ERCC1: variants seen among roughly 807,000 people sequenced by gnomAD.
ERCC1 encodes DNA excision repair protein ERCC-1.
Under a neutral mutation model 37.6 loss-of-function variants are expected in ERCC1, and 36 were observed. The ratio of observed to expected loss-of-function variants is 0.96; its 90% CI spans 0.73 to 1.26. The LOEUF (loss-of-function observed/expected upper bound fraction) is 1.26, where lower values mean the gene tolerates loss of function less well. Among genes scored for constraint, ERCC1 ranks in the 50% most tolerant of loss-of-function variants. ERCC1 has a pLI of 0.00. For missense variants in ERCC1, 349 were observed against 376.5 expected, an observed-to-expected ratio of 0.93 and a Z score of 0.60; for synonymous variants, 156 against 162.1, an observed-to-expected ratio of 0.96 and a Z score of 0.28.
chr19:45,432,804 C>T (rs73564934), intron 1 of ERCC1, among the ~76,000 whole-genome samples: 11,916 of 152,242 alleles, frequency 0.078, 1,543 homozygotes, highest in African/African-American at 0.27. Context: ...GAGTGGCTCA[C>T]GCCTGTATTC....
upstream of ERCC1, among the ~76,000 whole-genome samples, chr19:45,425,654 G>A (rs147670907): frequency 3.6e-3 from 548 of 152,272 alleles, 6 homozygotes; most frequent in African/African-American, 0.013. Context: ...ACAAGCATGA[G>A]CCACGGTGCC....
Position 45,409,247 on chromosome 19 carries a change from A to G in ERCC1, c.*428T>C. Reference sequence around the variant, plus strand: ...CACATCCACCAAGAAGAAGAAGAAGAAGAAAGAGAGAGGTCACACAGTGAC... The same window carrying G: ...CACATCCACCAAGAAGAAGAAGAAGGAGAAAGAGAGAGGTCACACAGTGAC... On this transcript the variant is annotated 3_prime_UTR_variant, in exon 10 of 10. Coordinates refer to ENST00000300853, the MANE Select transcript of ERCC1 (RefSeq NM_001983.4). 1 of 1,613,606 alleles carries G rather than the reference A, an allele frequency of 6.2e-7. No individual in the cohort carries two copies. Among genetic ancestry groups the G allele is most frequent in the Admixed American group, 1.7e-5 (1 of 59,966 alleles).
rs2123435397 is a variant in ERCC1, at chr19:45,409,434, A to T, written c.*241T>A. ...ATGCCAGGGCCGCCACTGAATTCAG[A>T]GTCTGGGGAGGAGGCTCCCACAGGC... On this transcript the variant is annotated 3_prime_UTR_variant, in exon 10 of 10. Transcript: ENST00000300853. 1 of 1,613,612 alleles carries T rather than the reference A, an allele frequency of 6.2e-7. No homozygotes were observed. Among genetic ancestry groups the T allele is most frequent in the Non-Finnish European group, 8.5e-7 (1 of 1,179,998 alleles).
At chr19:45,450,218 C>G (rs1463285263) in intron 1 of ERCC1, among the ~76,000 whole-genome samples, 1 of 152,152 alleles carries the variant, frequency 6.6e-6, no homozygotes, top group African/African-American at 2.4e-5. Context: ...ATCACCTACT[C>G]CCATGCATAC....
chr19:45,441,083 C>T (rs1013504473), intron 1 of ERCC1, among the ~76,000 whole-genome samples: 1 of 152,200 alleles, frequency 6.6e-6, no homozygotes, highest in Non-Finnish European at 1.5e-5. Flanking sequence ...AGTGATTGGA[C>T]ACAACAGCTC....
intron 3 of ERCC1, 81 bp downstream of exon 3, chr19:45,421,097 C>A: frequency 1.7e-6 from 2 of 1,187,488 alleles, no homozygotes; most frequent in African/African-American, 1.5e-5. Context: ...GGAACTCAGA[C>A]CTCCTTGCAC....
In ERCC1 at chr19:45,421,434, G is replaced by A. The variant is rs41542613; in HGVS notation, c.106-41C>T. ...GAGTTTGCAGGGGACTGGTTGGGGT[G>A]AGCAGAGGACATCTGAGGCCCTGTG... On this transcript the variant is annotated intron_variant, in intron 2 of 9. Transcript: ENST00000300853. The A allele has an allele frequency of 0.019, 28,198 of 1,467,718 alleles. 378 individuals carry two copies. The highest frequency in any genetic ancestry group is 0.023 in the Non-Finnish European group (24,388 of 1,069,018). The allele number at this position is 1,467,718 out of a possible 1,614,324, so 90.9% of individuals were successfully genotyped here. A position where few individuals can be genotyped will look rare whatever the true frequency, so the allele number is the denominator to read the frequency against.
chr19:45,438,112 G>A (rs1345816451), intron 1 of ERCC1, among the ~76,000 whole-genome samples: 1 of 152,100 alleles, frequency 6.6e-6, no homozygotes, highest in Non-Finnish European at 1.5e-5. Context: ...GGATTTCACC[G>A]TGTCAGCCAG....
upstream of ERCC1, among the ~76,000 whole-genome samples, chr19:45,427,975 C>G (rs375777920): frequency 1.5e-4 from 23 of 151,940 alleles, no homozygotes; most frequent in East Asian, 2.5e-3. Context: ...TAGTTAAGAG[C>G]GAGGGGAAAA....
At chr19:45,418,819 G>A (rs1028991421) in intron 5 of ERCC1, among the ~76,000 whole-genome samples, 51 of 150,862 alleles carry the variant, frequency 3.4e-4, no homozygotes, top group African/African-American at 9.9e-4. Flanking sequence ...GCGAAACTCC[G>A]TCTCAAACAA....
At chr19:45,446,578 T>C (rs1379177099) in intron 1 of ERCC1, among the ~76,000 whole-genome samples, 1 of 152,140 alleles carries the variant, frequency 6.6e-6, no homozygotes, top group Non-Finnish European at 1.5e-5. Context: ...GGGACGGCTA[T>C]TCCCAAGCCC....
At chr19:45,422,699 GTGAGCCGAGATGGTGCCA>G (rs1324851429) in intron 2 of ERCC1, among the ~76,000 whole-genome samples, 3 of 152,308 alleles carry the variant, frequency 2.0e-5, no homozygotes, top group Admixed American at 6.5e-5. Context: ...AGAGGTTGCA[GTGAGCCGAGATGGTGCCA>G]GTGCACTCCA....
chr19:45,437,563 G>C (rs189008654), intron 1 of ERCC1, among the ~76,000 whole-genome samples: 37 of 152,322 alleles, frequency 2.4e-4, no homozygotes, highest in African/African-American at 8.9e-4. Flanking sequence ...AACATGGATG[G>C]AACTGGAGGA....
chr19:45,434,539 C>T (rs1974924208), intron 1 of ERCC1, among the ~76,000 whole-genome samples: 1 of 152,034 alleles, frequency 6.6e-6, no homozygotes, highest in Non-Finnish European at 1.5e-5. Context: ...TCTTGCCTTC[C>T]AATCGTTGCA....
chr19:45,408,304 G>A lies in ERCC1; in HGVS notation c.*1371C>T. 1 of 1,612,980 alleles carries A rather than the reference G, an allele frequency of 6.2e-7. No individual in the cohort carries two copies. The highest frequency in any genetic ancestry group is 8.5e-7 in the Non-Finnish European group (1 of 1,179,354). On this transcript the variant is annotated 3_prime_UTR_variant, in exon 10 of 10. Coordinates refer to ENST00000300853, the MANE Select transcript of ERCC1 (RefSeq NM_001983.4). ...GACTCACCTGTGCCTCAGCCCCCCA[G>A]GGCACCCTAAGGATCCTTGAGGGTC...
intron 1 of ERCC1, 191 bp from the exon 2 acceptor site, chr19:45,423,572 C>A: frequency 7.0e-7 from 1 of 1,426,128 alleles, no homozygotes; most frequent in Non-Finnish European, 9.2e-7. Context: ...CGCCCCGCCC[C>A]TTACAGGTCC....
upstream of ERCC1, among the ~76,000 whole-genome samples, chr19:45,427,455 C>CA (rs35190442): frequency 0.047 from 6,872 of 147,690 alleles, 440 homozygotes; most frequent in African/African-American, 0.15. Context: ...CTAAAAAATA[C>CA]AAAAAAAAAA....
intron 1 of ERCC1, among the ~76,000 whole-genome samples, chr19:45,447,360 C>T (rs1966980552): frequency 1.4e-5 from 2 of 147,470 alleles, no homozygotes; most frequent in African/African-American, 5.0e-5. Flanking sequence ...ACTGCAACGT[C>T]TCCCTTTCAG....
intron 1 of ERCC1, among the ~76,000 whole-genome samples, chr19:45,445,056 G>A (rs1966900167): frequency 6.6e-6 from 1 of 152,088 alleles, no homozygotes; most frequent in Admixed American, 6.6e-5. Flanking sequence ...TCGCTCTGTG[G>A]CCCAGGCTGG....
Sources: gnomAD v4.1 joint callset for allele counts (sites outside exome capture counted in the v4.1 genomes callset) on GRCh38, gnomAD v4.1.1 for gene constraint, MANE v1.5 for transcripts, NCBI Gene and HGNC (gene_info 2026-07-23, HGNC 2026-07-21) for gene names.